Variants in RBFOX1 observed in about 807,000 individuals in gnomAD.
RBFOX1 encodes the protein RNA binding protein fox-1 homolog 1.
In RBFOX1, 8 loss-of-function variants were observed where a neutral mutation model predicts 57.7. That is an observed-to-expected ratio of 0.14 (90% confidence interval 0.08 to 0.25). The LOEUF (loss-of-function observed/expected upper bound fraction) is 0.25. Among genes scored for constraint, RBFOX1 ranks in the 10% least tolerant of loss-of-function variants. The pLI is 1.00. For missense variants in RBFOX1, 611 were observed against 548.5 expected (o/e 1.11, Z -1.14); for synonymous variants, 326 against 222.4 (o/e 1.47, Z -4.15).
intron 3 of RBFOX1, among the ~76,000 whole-genome samples, chr16:7,045,742 G>A (rs1198675799): frequency 6.6e-6 from 1 of 151,826 alleles, no homozygotes; most frequent in African/African-American, 2.4e-5. Context: ...GCCTACCTCT[G>A]CCACCCAGGT....
intron 5 of RBFOX1, among the ~76,000 whole-genome samples, chr16:7,527,813 G>A (rs558625170): frequency 1.6e-4 from 24 of 152,222 alleles, no homozygotes; most frequent in African/African-American, 4.8e-4. Flanking sequence ...TACCCATAAT[G>A]AGAAATCAGA....
At chr16:6,027,291 C>G (rs2095214679) in intron 1 of RBFOX1, among the ~76,000 whole-genome samples, 1 of 152,036 alleles carries the variant, frequency 6.6e-6, no homozygotes, top group Non-Finnish European at 1.5e-5. Context: ...GAACTGAGGC[C>G]CAGTGACTAA....
At chr16:5,444,364 T>G (rs116732043) in intron 1 of RBFOX1, among the ~76,000 whole-genome samples, 1,852 of 152,278 alleles carry the variant, frequency 0.012, 51 homozygotes, top group African/African-American at 0.042. Context: ...CCCAGTTCCT[T>G]TGGCTGAATT....
At chr16:5,373,973 A>T (rs1233697614) in intron 1 of RBFOX1, among the ~76,000 whole-genome samples, 1 of 151,460 alleles carries the variant, frequency 6.6e-6, no homozygotes, top group East Asian at 2.0e-4. Context: ...GCCAGAGTGC[A>T]ATGGTGCGAT....
intron 2 of RBFOX1, among the ~76,000 whole-genome samples, chr16:5,490,376 G>C (rs2042786760): frequency 6.6e-6 from 1 of 152,194 alleles, no homozygotes; most frequent in African/African-American, 2.4e-5. Flanking sequence ...GCTTTGCTCA[G>C]GGGCACCTGG....
chr16:6,367,041 C>G, intron 2 of RBFOX1, among the ~76,000 whole-genome samples: 1 of 152,196 alleles, frequency 6.6e-6, no homozygotes, highest in South Asian at 2.1e-4. Flanking sequence ...ACACTATTTT[C>G]TTCCTCATCC....
intron 3 of RBFOX1, among the ~76,000 whole-genome samples, chr16:5,854,255 A>G (rs2056970322): frequency 6.6e-6 from 1 of 152,214 alleles, no homozygotes; most frequent in South Asian, 2.1e-4. Context: ...CATTGTCATC[A>G]CAAGACTGTG....
chr16:6,689,210 C>G (rs1001167701), intron 3 of RBFOX1, among the ~76,000 whole-genome samples: 1 of 152,074 alleles, frequency 6.6e-6, no homozygotes, highest in African/African-American at 2.4e-5. Flanking sequence ...TCCTCTAAGG[C>G]TGATTATGTC....
chr16:7,132,481 C>G (rs892543522), intron 4 of RBFOX1, among the ~76,000 whole-genome samples: 8 of 121,616 alleles, frequency 6.6e-5, no homozygotes, highest in African/African-American at 1.5e-4. Context: ...CACACACACA[C>G]AGTCACTTTA....
At chr16:5,914,870 A>G (rs2109032) in intron 4 of RBFOX1, among the ~76,000 whole-genome samples, 55,371 of 151,728 alleles carry the variant, frequency 0.36, 10,303 homozygotes, top group Middle Eastern at 0.55. Context: ...ACTCCAGCCT[A>G]GGCGACAGAG....
rs113985216 is a variant in RBFOX1, at chr16:7,532,516, G to A, written c.270+14127G>A. On this transcript the variant is annotated intron_variant, in intron 5 of 15. Coordinates refer to ENST00000550418, the MANE Select transcript of RBFOX1 (RefSeq NM_018723.4). ...AAAAGGGAGGACGTGAGTTGGATGC[G>A]CACCCTGGAATACAGGGCGTTGGCC... Among the ~76,000 whole-genome samples the A allele has an allele frequency of 1.2e-3, 181 of 152,286 alleles. 2 individuals are homozygous for A. Among genetic ancestry groups the A allele is most frequent in the East Asian group, 1.2e-3 (6 of 5,166 alleles).
At chr16:5,922,989 GA>G (rs2058857126) in intron 4 of RBFOX1, among the ~76,000 whole-genome samples, 1 of 152,198 alleles carries the variant, frequency 6.6e-6, no homozygotes, top group African/African-American at 2.4e-5. Context: ...GGAGGACAGA[GA>G]AAGCCTCAGC....
intron 4 of RBFOX1, among the ~76,000 whole-genome samples, chr16:5,892,466 G>A (rs893239344): frequency 1.3e-5 from 2 of 152,162 alleles, no homozygotes; most frequent in African/African-American, 4.8e-5. Flanking sequence ...AATGGGTTAA[G>A]TGAGTTACTG....
chr16:5,276,870 G>A (rs1401002504), intron 1 of RBFOX1, among the ~76,000 whole-genome samples: 3 of 152,150 alleles, frequency 2.0e-5, no homozygotes, highest in Non-Finnish European at 4.4e-5. Flanking sequence ...CCATCACTAT[G>A]GAAAGCAGTA....
intron 1 of RBFOX1, among the ~76,000 whole-genome samples, chr16:6,185,987 A>C (rs1194062763): frequency 6.6e-6 from 1 of 152,206 alleles, no homozygotes; most frequent in Non-Finnish European, 1.5e-5. Context: ...ACTTAAAGTC[A>C]ATCTTGTACT....
At chr16:6,994,883 A>G (rs879443138) in intron 3 of RBFOX1, among the ~76,000 whole-genome samples, 4 of 151,980 alleles carry the variant, frequency 2.6e-5, no homozygotes, top group Non-Finnish European at 4.4e-5. Context: ...CAAAATTCCA[A>G]ATTAACTTGG....
intron 5 of RBFOX1, among the ~76,000 whole-genome samples, chr16:7,542,806 T>G (rs2083312249): frequency 3.0e-5 from 2 of 67,664 alleles, no homozygotes; most frequent in Admixed American, 1.1e-4. Flanking sequence ...GGCAAGACTG[T>G]CTGAGGAAAA....
rs34797833 is a variant in RBFOX1 at position 6,243,137 on chromosome 16, C to CGTGTGT, written c.-126-73857_-126-73852dup. Among the ~76,000 whole-genome samples the CGTGTGT allele has an allele frequency of 5.7e-3, 857 of 150,424 alleles. 2 individuals are homozygous for CGTGTGT. Among genetic ancestry groups the CGTGTGT allele is most frequent in the Admixed American group, 7.3e-3 (110 of 15,124 alleles). ...GCAGTTGGATAAATTGATATTTATACGTGTGTCTGTGTGTGTGTGTGTGTG... is the reference window on the plus strand; with the variant it reads ...GCAGTTGGATAAATTGATATTTATACGTGTGTGTGTGTCTGTGTGTGTGTGTGTGTG... On this transcript the variant is annotated intron_variant, in intron 1 of 15. Transcript: ENST00000550418.
chr16:7,512,890 G>C (rs999059153), intron 4 of RBFOX1, among the ~76,000 whole-genome samples: 4 of 152,210 alleles, frequency 2.6e-5, no homozygotes, highest in African/African-American at 9.7e-5. Flanking sequence ...CCTAGTCCCT[G>C]GCTTCCTCAC....
Sources: allele counts gnomAD v4.1 joint callset (sites outside exome capture counted in the v4.1 genomes callset), GRCh38; gene constraint gnomAD v4.1.1; transcripts MANE v1.5; gene names NCBI Gene and HGNC (gene_info 2026-07-23, HGNC 2026-07-21).